Variants in SEMA6D observed in about 807,000 individuals in gnomAD.
The protein encoded by SEMA6D is semaphorin-6D.
A neutral mutation model predicts 106.6 loss-of-function variants in SEMA6D; 35 were observed. That is an observed-to-expected ratio of 0.33 (90% CI 0.25 to 0.44). The LOEUF is 0.44. Ranked by LOEUF, SEMA6D falls within the 20% of genes least tolerant of loss-of-function variation. The pLI, the probability that SEMA6D is intolerant of heterozygous loss-of-function variation, is 1.00. For synonymous variants in SEMA6D, 499 were observed against 487.7 expected (o/e 1.02, Z -0.31); for missense variants, 1,185 against 1,345.9 (o/e 0.88, Z 1.87).
intron 4 of SEMA6D, among the ~76,000 whole-genome samples, chr15:47,680,483 GC>G: frequency 6.6e-6 from 1 of 152,168 alleles, no homozygotes; most frequent in African/African-American, 2.4e-5. Flanking sequence ...TTAGCATATT[GC>G]CCTTTCCTGG....
At chr15:47,690,153 T>G (rs1051031943) in intron 4 of SEMA6D, among the ~76,000 whole-genome samples, 1 of 152,164 alleles carries the variant, frequency 6.6e-6, no homozygotes, top group Non-Finnish European at 1.5e-5. Flanking sequence ...GATGAAGTTA[T>G]AGGCAGTAGG....
intron 1 of SEMA6D, among the ~76,000 whole-genome samples, chr15:47,219,260 C>T (rs2030962482): frequency 1.3e-5 from 2 of 152,170 alleles, no homozygotes; most frequent in African/African-American, 4.8e-5. Flanking sequence ...TCTCAACATG[C>T]TCACCACTCT....
intron 1 of SEMA6D, among the ~76,000 whole-genome samples, chr15:47,361,854 T>TA (rs1398473233): frequency 1.3e-5 from 2 of 152,218 alleles, no homozygotes; most frequent in Non-Finnish European, 2.9e-5. Context: ...TCCACTGTGT[T>TA]ACTCTACCAT....
At chr15:47,341,129 C>T (rs964151341) in intron 1 of SEMA6D, among the ~76,000 whole-genome samples, 2 of 152,116 alleles carry the variant, frequency 1.3e-5, no homozygotes, top group Non-Finnish European at 2.9e-5. Context: ...GGCGTGGTGG[C>T]CTGTAATCCC....
chr15:47,304,852 C>A (rs7175513), intron 1 of SEMA6D, among the ~76,000 whole-genome samples: 80,220 of 151,946 alleles, frequency 0.53, 22,359 homozygotes, highest in East Asian at 0.76. Flanking sequence ...AATTTGCCTA[C>A]AAGACCTGCC....
chr15:47,459,160 A>G (rs28618098), intron 2 of SEMA6D, among the ~76,000 whole-genome samples: 4,127 of 152,164 alleles, frequency 0.027, 86 homozygotes, highest in Middle Eastern at 0.051. Context: ...GAAGCCAGAG[A>G]TTCTTCTTGT....
rs986967279 is a variant in SEMA6D, at chr15:47,559,921, GAAGT to G, written c.-86-40943_-86-40940del. ...CACAACTTTTGACCAATCTTGGGCT[GAAGT>G]CAAAGTTATGCAGACACAGAGATGA... On this transcript the variant is annotated intron_variant, in intron 3 of 19. Transcript: ENST00000558014. 1.4e-4 allele frequency among the ~76,000 whole-genome samples: 21 copies of G among 152,182 alleles called. No individual in the cohort carries two copies. In the South Asian group the frequency reaches 4.4e-3, roughly 32 times the overall value.
chr15:47,730,236 G>A, intron 1 of SEMA6D: 2 of 1,532,854 alleles, frequency 1.3e-6, no homozygotes, highest in Non-Finnish European at 1.8e-6. Context: ...CCGCCCCAGT[G>A]ACGGCGGATC....
At chr15:47,526,530 A>G (rs1177952179) in intron 3 of SEMA6D, among the ~76,000 whole-genome samples, 1 of 152,236 alleles carries the variant, frequency 6.6e-6, no homozygotes, top group African/African-American at 2.4e-5. Flanking sequence ...GCTAGCCAGT[A>G]TTGGCCATGG....
intron 1 of SEMA6D, among the ~76,000 whole-genome samples, chr15:47,286,018 G>C (rs1272677062): frequency 6.6e-6 from 1 of 152,168 alleles, no homozygotes; most frequent in Non-Finnish European, 1.5e-5. Context: ...TTATGCGCCA[G>C]CTTAATCATT....
chr15:47,260,000 T>TGC (rs2033995241), intron 1 of SEMA6D, among the ~76,000 whole-genome samples: 2 of 152,050 alleles, frequency 1.3e-5, no homozygotes, highest in Admixed American at 1.3e-4. Flanking sequence ...TTAGCATGTT[T>TGC]TTTTTTTTCC....
At chr15:47,418,857 G>A (rs2041063881) in intron 2 of SEMA6D, among the ~76,000 whole-genome samples, 1 of 152,062 alleles carries the variant, frequency 6.6e-6, no homozygotes, top group Non-Finnish European at 1.5e-5. Context: ...GGGAAGAGAT[G>A]GTAGTCACAG....
At chr15:47,689,048 G>A (rs1566988451) in intron 4 of SEMA6D, among the ~76,000 whole-genome samples, 2 of 152,130 alleles carry the variant, frequency 1.3e-5, no homozygotes, top group Non-Finnish European at 2.9e-5. Context: ...ATCCACCCAG[G>A]AAAAGGAGGG....
At chr15:47,260,820 AT>A (rs1312936874) in intron 1 of SEMA6D, among the ~76,000 whole-genome samples, 3 of 152,138 alleles carry the variant, frequency 2.0e-5, no homozygotes, top group African/African-American at 7.2e-5. Context: ...AAGACTCCTG[AT>A]TGATCCCTCT....
intron 1 of SEMA6D, among the ~76,000 whole-genome samples, chr15:47,353,717 C>T (rs185826664): frequency 1.3e-5 from 2 of 152,214 alleles, no homozygotes; most frequent in African/African-American, 4.8e-5. Flanking sequence ...CACCACAGCT[C>T]CTGGGGCAAT....
At chr15:47,494,739 GAGATATATATATATATATATATATAT>G (rs2043583445) in intron 3 of SEMA6D, among the ~76,000 whole-genome samples, 2 of 42,400 alleles carry the variant, frequency 4.7e-5, no homozygotes, top group Admixed American at 6.3e-4. Flanking sequence ...GAGTGGGATG[GAGATATATATATATATATATATATAT>G]ATATATATAT....
chr15:47,310,643 C>T (rs1004047292), intron 1 of SEMA6D, among the ~76,000 whole-genome samples: 1 of 151,924 alleles, frequency 6.6e-6, no homozygotes, highest in African/African-American at 2.4e-5. Flanking sequence ...TTATGGATAT[C>T]TGGGTACTAG....
intron 1 of SEMA6D, among the ~76,000 whole-genome samples, chr15:47,224,502 A>G (rs2031483544): frequency 6.6e-6 from 1 of 152,110 alleles, no homozygotes; most frequent in African/African-American, 2.4e-5. Context: ...CATTTTACAT[A>G]TAGGGAAACT....
intron 4 of SEMA6D, among the ~76,000 whole-genome samples, chr15:47,620,847 A>G (rs2077085740): frequency 6.6e-6 from 1 of 152,090 alleles, no homozygotes; most frequent in Non-Finnish European, 1.5e-5. Context: ...AAGCTGAGGC[A>G]GGTAAGACTC....
Sources: allele counts gnomAD v4.1 joint callset (sites outside exome capture counted in the v4.1 genomes callset), GRCh38; gene constraint gnomAD v4.1.1; transcripts MANE v1.5; gene names NCBI Gene and HGNC (gene_info 2026-07-23, HGNC 2026-07-21).